The following HS3ST3A1 variants were observed in gnomAD, a reference collection of about 807,000 sequenced individuals.
HS3ST3A1 encodes heparan sulfate-glucosamine 3-sulfotransferase 3A1.
In HS3ST3A1, 19 loss-of-function variants were observed where a neutral mutation model predicts 25.7. That is an observed-to-expected ratio of 0.74 (90% CI 0.52 to 1.08). The LOEUF is 1.08. HS3ST3A1 is among the 50% of genes least tolerant of loss of function. The pLI is 0.00. For missense variants in HS3ST3A1, 459 were observed against 594.3 expected, an observed-to-expected ratio of 0.77 and a Z score of 2.37; for synonymous variants, 226 against 278.6, an observed-to-expected ratio of 0.81 and a Z score of 1.88.
chr17:13,497,339 C>A (rs950772212), intron 1 of HS3ST3A1, among the ~76,000 whole-genome samples: 1 of 152,206 alleles, frequency 6.6e-6, no homozygotes, highest in Admixed American at 6.5e-5. Flanking sequence ...CTGCAACAAA[C>A]AAGACTTATT....
At position 13,494,455 on chromosome 17, in the gene HS3ST3A1, A is replaced by AC. The variant is rs555472625; in HGVS notation, c.*1741dup. ...AAGCTTCTCAAGAAATATTTACATCACCTAATGCAGCAGCTATGGTAAATG... is the reference window on the plus strand; with the variant it reads ...AAGCTTCTCAAGAAATATTTACATCACCCTAATGCAGCAGCTATGGTAAATG... On this transcript the variant is annotated 3_prime_UTR_variant, in exon 2 of 2. Coordinates refer to ENST00000284110, the MANE Select transcript of HS3ST3A1 (RefSeq NM_006042.3). Among the ~76,000 whole-genome samples the AC allele has an allele frequency of 3.8e-3, 572 of 152,312 alleles. 6 individuals carry two copies. Among genetic ancestry groups the AC allele is most frequent in the Non-Finnish European group, 3.6e-3 (243 of 68,022 alleles).
chr17:13,505,933 G>T (rs1905652647), intron 1 of HS3ST3A1, among the ~76,000 whole-genome samples: 1 of 149,320 alleles, frequency 6.7e-6, no homozygotes. Flanking sequence ...TGAGGCAGGA[G>T]AATGAATCAC....
At chr17:13,522,596 T>C (rs186399444) in intron 1 of HS3ST3A1, among the ~76,000 whole-genome samples, 23 of 152,290 alleles carry the variant, frequency 1.5e-4, no homozygotes, top group East Asian at 1.3e-3. Flanking sequence ...GGGCTTATTA[T>C]ATATTTCAGG....
chr17:13,545,199 G>A (rs1907050538), intron 1 of HS3ST3A1, among the ~76,000 whole-genome samples: 3 of 152,218 alleles, frequency 2.0e-5, no homozygotes, highest in South Asian at 2.1e-4. Flanking sequence ...AATAAATATC[G>A]GGCCTTACCC....
intron 1 of HS3ST3A1, among the ~76,000 whole-genome samples, chr17:13,524,432 T>C (rs1161841357): frequency 6.6e-6 from 1 of 152,056 alleles, no homozygotes; most frequent in Non-Finnish European, 1.5e-5. Flanking sequence ...TAATTTTTGT[T>C]TTTTTTGTAG....
At chr17:13,566,195 G>C (rs547355695) in intron 1 of HS3ST3A1, among the ~76,000 whole-genome samples, 1 of 151,938 alleles carries the variant, frequency 6.6e-6, no homozygotes. Context: ...GTCACATTTT[G>C]GTATTTTTCT....
chr17:13,547,990 T>A (rs1440082280), intron 1 of HS3ST3A1, among the ~76,000 whole-genome samples: 2 of 151,804 alleles, frequency 1.3e-5, no homozygotes, highest in Non-Finnish European at 2.9e-5. Context: ...AGGTATGGTG[T>A]TATTAAACAC....
chr17:13,515,471 G>GTT (rs33924561), intron 1 of HS3ST3A1, among the ~76,000 whole-genome samples: 20,496 of 107,452 alleles, frequency 0.19, 2,102 homozygotes, highest in Non-Finnish European at 0.22. Context: ...GTTTGTTTCA[G>GTT]TTTTTTTTTT....
intron 1 of HS3ST3A1, among the ~76,000 whole-genome samples, chr17:13,560,316 A>AAAAAAAAAAAAAAC (rs1907501956): frequency 6.9e-6 from 1 of 144,658 alleles, no homozygotes; most frequent in Admixed American, 6.9e-5. Flanking sequence ...AAAAAAAAAA[A>AAAAAAAAAAAAAAC]AAAGTGTATT....
chr17:13,543,170 T>C (rs1906984370), intron 1 of HS3ST3A1, among the ~76,000 whole-genome samples: 1 of 152,200 alleles, frequency 6.6e-6, no homozygotes, highest in East Asian at 1.9e-4. Context: ...ATTAAACAAA[T>C]CTAATGAAGC....
chr17:13,560,319 A>AAAAAAAAAAAAAAAATT (rs1907502490), intron 1 of HS3ST3A1, among the ~76,000 whole-genome samples: 1 of 143,922 alleles, frequency 6.9e-6, no homozygotes. Context: ...AAAAAAAAAA[A>AAAAAAAAAAAAAAAATT]GTGTATTACC....
chr17:13,519,076 C>G (rs1348388621), intron 1 of HS3ST3A1, among the ~76,000 whole-genome samples: 1 of 152,158 alleles, frequency 6.6e-6, no homozygotes, highest in Non-Finnish European at 1.5e-5. Context: ...GTGGTTACCT[C>G]TAGGAAATGG....
In HS3ST3A1 at chr17:13,514,410, A is replaced by T. The variant is rs1376471621; in HGVS notation, c.600-17592T>A. ...TTTATTTTTAAATTCAGTTTAAATC[A>T]TGGTTAAAGTCAAATTTGAAATATA... On this transcript the variant is annotated intron_variant, in intron 1 of 1. Coordinates refer to ENST00000284110, the MANE Select transcript of HS3ST3A1 (RefSeq NM_006042.3). 3.3e-5 allele frequency among the ~76,000 whole-genome samples: 5 copies of T among 152,286 alleles called. No homozygotes were observed. The East Asian group carries it at 9.6e-4, about 29-fold the overall frequency.
At position 13,494,717 on chromosome 17, in the gene HS3ST3A1, T is replaced by G. The variant is rs183917451; in HGVS notation, c.*1480A>C. 1.5e-4 allele frequency among the ~76,000 whole-genome samples: 23 copies of G among 152,272 alleles called. No homozygotes were observed. The East Asian group carries it at 3.7e-3, about 24-fold the overall frequency. On this transcript the variant is annotated 3_prime_UTR_variant, in exon 2 of 2. Coordinates refer to ENST00000284110, the MANE Select transcript of HS3ST3A1 (RefSeq NM_006042.3). ...GCATATGTGTTCCTCTCTAAACCAA[T>G]TTAATTCCCATTAATGCTAATCTTG...
At chr17:13,510,831 C>T (rs1905837527) in intron 1 of HS3ST3A1, among the ~76,000 whole-genome samples, 1 of 151,966 alleles carries the variant, frequency 6.6e-6, no homozygotes, top group African/African-American at 2.4e-5. Context: ...CAGCCTCCCG[C>T]GTAGCTGGGA....
At chr17:13,501,019 A>T (rs999535769) in intron 1 of HS3ST3A1, among the ~76,000 whole-genome samples, 1 of 152,232 alleles carries the variant, frequency 6.6e-6, no homozygotes, top group Non-Finnish European at 1.5e-5. Context: ...AAAAAGACAA[A>T]TACTGTATGA....
chr17:13,544,063 C>T (rs908814415), intron 1 of HS3ST3A1, among the ~76,000 whole-genome samples: 4 of 152,116 alleles, frequency 2.6e-5, no homozygotes, highest in Non-Finnish European at 5.9e-5. Context: ...AAATAGAAAA[C>T]ATTATCATCA....
At chr17:13,585,277 G>A (rs1908226813) in intron 1 of HS3ST3A1, among the ~76,000 whole-genome samples, 1 of 122,848 alleles carries the variant, frequency 8.1e-6, no homozygotes, top group African/African-American at 3.1e-5. Context: ...TCAGCTCACT[G>A]CAACCTCTGC....
intron 1 of HS3ST3A1, among the ~76,000 whole-genome samples, chr17:13,501,383 TA>T (rs1042010240): frequency 5.9e-5 from 9 of 151,938 alleles, no homozygotes; most frequent in Non-Finnish European, 1.2e-4. Context: ...ACAATTTTTT[TA>T]AAAAAAAGAA....
Sources: allele counts gnomAD v4.1 joint callset (sites outside exome capture counted in the v4.1 genomes callset), GRCh38; gene constraint gnomAD v4.1.1; transcripts MANE v1.5; gene names NCBI Gene and HGNC (gene_info 2026-07-23, HGNC 2026-07-21).